Variants in SYT9 observed in about 807,000 individuals in gnomAD.
The protein encoded by SYT9 is synaptotagmin 9, also known as synaptotagmin-9.
In SYT9, 22 loss-of-function variants were observed where a neutral mutation model predicts 48.4. That is an observed-to-expected ratio of 0.45 (90% CI 0.32 to 0.65). The LOEUF (loss-of-function observed/expected upper bound fraction) is 0.65, where lower values mean the gene tolerates loss of function less well. Among genes scored for constraint, SYT9 ranks in the 30% least tolerant of loss-of-function variants. The pLI is 0.03. For synonymous variants in SYT9, 265 were observed against 245.0 expected, an observed-to-expected ratio of 1.08 and a Z score of -0.76; for missense variants, 577 against 622.0, an observed-to-expected ratio of 0.93 and a Z score of 0.77.
intron 3 of SYT9, among the ~76,000 whole-genome samples, chr11:7,398,146 A>G (rs11041350): frequency 0.15 from 22,907 of 152,008 alleles, 2,416 homozygotes; most frequent in African/African-American, 0.3. Context: ...TTCTATTCCA[A>G]GTTTGCTGGA....
intron 1 of SYT9, among the ~76,000 whole-genome samples, chr11:7,277,359 C>A (rs1357126001): frequency 6.6e-6 from 1 of 152,142 alleles, no homozygotes; most frequent in African/African-American, 2.4e-5. Context: ...AATGTGAATT[C>A]ATTATGTGCT....
Position 7,394,368 on chromosome 11 carries a change from A to G in SYT9, c.1045-21674A>G, listed in dbSNP as rs530816413. On this transcript the variant is annotated intron_variant, in intron 3 of 6. Coordinates refer to ENST00000318881, the MANE Select transcript of SYT9 (RefSeq NM_175733.4). The stretch of plus-strand genomic sequence containing the variant: ...TCTTAATCTAGTCTATCATTGTTGG[A>G]CATTTGGGTTGGTTCCAAGTCTTTG... Among the ~76,000 whole-genome samples, 11 of 152,150 alleles carry G rather than the reference A, an allele frequency of 7.2e-5. No homozygotes were observed. In the South Asian group the frequency reaches 2.3e-3, roughly 32 times the overall value.
At chr11:7,263,180 A>G (rs569597405) in intron 1 of SYT9, among the ~76,000 whole-genome samples, 9 of 152,214 alleles carry the variant, frequency 5.9e-5, no homozygotes, top group Admixed American at 2.0e-4. Flanking sequence ...CAAAACTACC[A>G]TAAGCTGGGT....
chr11:7,290,533 TG>T (rs1463447489), intron 1 of SYT9, among the ~76,000 whole-genome samples: 3 of 152,210 alleles, frequency 2.0e-5, no homozygotes, highest in African/African-American at 7.2e-5. Context: ...ATGATGAAAA[TG>T]TAATCTTAAT....
intron 6 of SYT9, chr11:7,454,137 C>G: frequency 1.0e-6 from 1 of 985,418 alleles, no homozygotes; most frequent in Non-Finnish European, 1.2e-6. Flanking sequence ...TGCTACCTAC[C>G]TGATTTCCAG....
chr11:7,399,900 A>C (rs1846851444), intron 3 of SYT9, among the ~76,000 whole-genome samples: 1 of 152,250 alleles, frequency 6.6e-6, no homozygotes, highest in Admixed American at 6.5e-5. Flanking sequence ...GATTGATTTC[A>C]CAAACATTTT....
intron 1 of SYT9, among the ~76,000 whole-genome samples, chr11:7,260,963 G>A (rs1848067028): frequency 6.6e-6 from 1 of 152,184 alleles, no homozygotes; most frequent in African/African-American, 2.4e-5. Flanking sequence ...CCAGTCTGTG[G>A]ATGTGCACAG....
At chr11:7,453,349 G>A (rs1848093573) in intron 6 of SYT9, among the ~76,000 whole-genome samples, 1 of 152,168 alleles carries the variant, frequency 6.6e-6, no homozygotes, top group South Asian at 2.1e-4. Context: ...GCCAGCCATT[G>A]GCTTATCTAT....
intron 3 of SYT9, among the ~76,000 whole-genome samples, chr11:7,379,270 A>G (rs1253293378): frequency 6.6e-6 from 1 of 152,194 alleles, no homozygotes; most frequent in Non-Finnish European, 1.5e-5. Context: ...GTATCTATTA[A>G]GAAAGCATGT....
At chr11:7,401,254 A>G (rs1846887058) in intron 3 of SYT9, among the ~76,000 whole-genome samples, 1 of 151,726 alleles carries the variant, frequency 6.6e-6, no homozygotes, top group African/African-American at 2.4e-5. Flanking sequence ...TGAAATATAA[A>G]TGAATTTCAG....
At chr11:7,448,825 C>G (rs942709467) in intron 6 of SYT9, among the ~76,000 whole-genome samples, 1 of 152,082 alleles carries the variant, frequency 6.6e-6, no homozygotes, top group Admixed American at 6.5e-5. Context: ...TCTTTTCAGT[C>G]GTGGCTTCAC....
intron 3 of SYT9, among the ~76,000 whole-genome samples, chr11:7,370,213 T>G (rs1850337499): frequency 6.6e-6 from 1 of 152,226 alleles, no homozygotes; most frequent in South Asian, 2.1e-4. Flanking sequence ...TCCAGGTCTC[T>G]GCAAATGTTA....
intron 6 of SYT9, among the ~76,000 whole-genome samples, chr11:7,447,130 T>C (rs1847949403): frequency 1.3e-5 from 2 of 152,206 alleles, no homozygotes; most frequent in Admixed American, 1.3e-4. Flanking sequence ...GTCTGATCAA[T>C]CTTGCCCTCA....
At chr11:7,282,758 C>T (rs10769773) in intron 1 of SYT9, among the ~76,000 whole-genome samples, 115,866 of 151,988 alleles carry the variant, frequency 0.76, 45,179 homozygotes, top group South Asian at 0.88. Context: ...AGACACAGCC[C>T]CTTTTGATCC....
chr11:7,335,083 T>C (rs1286209715), intron 3 of SYT9, among the ~76,000 whole-genome samples: 2 of 152,198 alleles, frequency 1.3e-5, no homozygotes, highest in Non-Finnish European at 2.9e-5. Flanking sequence ...TCATTTTACA[T>C]TTACACCAGC....
intron 3 of SYT9, among the ~76,000 whole-genome samples, chr11:7,370,024 T>C (rs112480631): frequency 0.022 from 3,407 of 152,172 alleles, 120 homozygotes; most frequent in African/African-American, 0.079. Context: ...CGGCACCATA[T>C]TTTTAGTCTT....
chr11:7,412,703 A>C (rs572391811), intron 3 of SYT9, among the ~76,000 whole-genome samples: 26 of 152,016 alleles, frequency 1.7e-4, no homozygotes, highest in Non-Finnish European at 2.8e-4. Flanking sequence ...TGGCATGTGG[A>C]CTGGTTCTCT....
chr11:7,276,359 C>T (rs1052959698), intron 1 of SYT9, among the ~76,000 whole-genome samples: 1 of 152,162 alleles, frequency 6.6e-6, no homozygotes, highest in Non-Finnish European at 1.5e-5. Flanking sequence ...AGTTTTTAAC[C>T]ACCCAAATCC....
At chr11:7,375,727 G>T (rs1413685636) in intron 3 of SYT9, among the ~76,000 whole-genome samples, 1 of 152,068 alleles carries the variant, frequency 6.6e-6, no homozygotes, top group Non-Finnish European at 1.5e-5. Context: ...TCTATTATTG[G>T]TGTATATGAA....
Sources: allele counts gnomAD v4.1 joint callset (sites outside exome capture counted in the v4.1 genomes callset), GRCh38; gene constraint gnomAD v4.1.1; transcripts MANE v1.5; gene names NCBI Gene and HGNC (gene_info 2026-07-23, HGNC 2026-07-21).